AGBL1: variants seen among roughly 807,000 people sequenced by gnomAD.
AGBL1 encodes cytosolic carboxypeptidase 4.
In AGBL1, 130 loss-of-function variants were observed where a neutral mutation model predicts 118.9. That is an observed-to-expected ratio of 1.09 (90% CI 0.95 to 1.26). AGBL1 has a LOEUF of 1.26. Among genes scored for constraint, AGBL1 ranks in the 50% most tolerant of loss-of-function variants. The pLI, the probability that AGBL1 is intolerant of heterozygous loss-of-function variation, is 0.00. For missense variants in AGBL1, 1,584 were observed against 1,298.1 expected (o/e 1.22, Z -3.38); for synonymous variants, 555 against 478.9 (o/e 1.16, Z -2.08).
chr15:86,167,558 T>C (rs1349965970), intron 5 of AGBL1, among the ~76,000 whole-genome samples: 1 of 152,248 alleles, frequency 6.6e-6, no homozygotes, highest in Non-Finnish European at 1.5e-5. Flanking sequence ...GGAACTGATA[T>C]TTCTAATAGA....
At chr15:86,221,295 G>A (rs1039547276) in intron 5 of AGBL1, among the ~76,000 whole-genome samples, 3 of 152,184 alleles carry the variant, frequency 2.0e-5, no homozygotes, top group Admixed American at 2.0e-4. Context: ...TCCAGCAGAA[G>A]GCAGTCTTGC....
At chr15:86,553,450 C>A (rs1345759379) in intron 20 of AGBL1, among the ~76,000 whole-genome samples, 1 of 152,036 alleles carries the variant, frequency 6.6e-6, no homozygotes, top group Non-Finnish European at 1.5e-5. Context: ...CATATGAACC[C>A]AGAGAGGATG....
intron 18 of AGBL1, among the ~76,000 whole-genome samples, chr15:86,442,943 G>A (rs546884788): frequency 1.6e-4 from 24 of 152,342 alleles, no homozygotes; most frequent in Admixed American, 1.2e-3. Flanking sequence ...GCTCCTGCCC[G>A]CAAGGCAAGG....
chr15:86,454,661 A>C lies in AGBL1; in HGVS notation c.2555+57115A>C, dbSNP rs544207823. On this transcript the variant is annotated intron_variant, in intron 18 of 22. Coordinates refer to ENST00000614907, the MANE Select transcript of AGBL1 (RefSeq NM_001386094.1). ...CCAAACATAAAAAGAGTACACACTG[A>C]ATGATTCTATTTTATGAAATTCTTT... 1.5e-3 allele frequency among the ~76,000 whole-genome samples: 232 copies of C among 152,328 alleles called. 1 individual carries two copies. The highest frequency in any genetic ancestry group is 5.4e-3 in the African/African-American group (226 of 41,582).
chr15:86,880,505 T>G (rs1451402243), intron 22 of AGBL1, among the ~76,000 whole-genome samples: 1 of 152,124 alleles, frequency 6.6e-6, no homozygotes, highest in African/African-American at 2.4e-5. Context: ...GTCTCAATAG[T>G]AGTGAGAGGG....
At chr15:86,305,858 A>G (rs181360237) in intron 17 of AGBL1, among the ~76,000 whole-genome samples, 1 of 152,214 alleles carries the variant, frequency 6.6e-6, no homozygotes, top group Admixed American at 6.5e-5. Context: ...TTTCCCATTA[A>G]TCTGAGACTT....
In AGBL1 at chr15:86,142,008, C is replaced by G; in HGVS notation, c.56C>G (p.Ser19Cys). Residue 19 changes from serine (S) to cysteine (C), a missense_variant, in exon 2 of 23, where the codon TCC (serine) becomes TGC (cysteine). Transcript: ENST00000614907. ...CTGCCTGTGTTCTCATTGCAGAGCT[C>G]CTCTGACAAGGAGTCCATCCTGACC... ...LQVLLHTLQSSSDKESILTIL... is the reference protein window; with the variant it reads ...LQVLLHTLQSCSDKESILTIL... 1 of 1,549,946 alleles carries G rather than the reference C, an allele frequency of 6.5e-7. No individual in the cohort carries two copies. The highest frequency in any genetic ancestry group is 8.7e-7 in the Non-Finnish European group (1 of 1,146,688).
At chr15:86,776,926 A>G (rs905376901) in intron 22 of AGBL1, among the ~76,000 whole-genome samples, 1 of 152,060 alleles carries the variant, frequency 6.6e-6, no homozygotes, top group South Asian at 2.1e-4. Flanking sequence ...TTTCTTCATT[A>G]CGTATTATGT....
chr15:86,781,827 T>C (rs967089441), intron 22 of AGBL1, among the ~76,000 whole-genome samples: 1 of 152,128 alleles, frequency 6.6e-6, no homozygotes, highest in Non-Finnish European at 1.5e-5. Context: ...TTGTTAAAAG[T>C]TGACTATGAT....
intron 17 of AGBL1, among the ~76,000 whole-genome samples, chr15:86,338,967 C>T (rs1003394173): frequency 6.6e-6 from 1 of 152,008 alleles, no homozygotes; most frequent in African/African-American, 2.4e-5. Context: ...TACAAGTGTT[C>T]CTATTTTTCT....
At chr15:86,609,498 A>T (rs2084628503) in intron 21 of AGBL1, among the ~76,000 whole-genome samples, 1 of 152,150 alleles carries the variant, frequency 6.6e-6, no homozygotes, top group Non-Finnish European at 1.5e-5. Flanking sequence ...CCTGTGGGGT[A>T]GGGTATGTGT....
At chr15:86,140,804 G>C (rs1031390252) in intron 1 of AGBL1, among the ~76,000 whole-genome samples, 1 of 152,172 alleles carries the variant, frequency 6.6e-6, no homozygotes, top group Non-Finnish European at 1.5e-5. Flanking sequence ...GAAATGGCAT[G>C]GTTTGAGCAG....
chr15:86,682,617 G>T (rs764132951), intron 22 of AGBL1, among the ~76,000 whole-genome samples: 1 of 151,844 alleles, frequency 6.6e-6, no homozygotes, highest in African/African-American at 2.4e-5. Flanking sequence ...AAACATAACA[G>T]AAAAGAATAT....
chr15:86,397,644 C>T (rs886414243), intron 18 of AGBL1, 98 bp downstream of exon 18: 1 of 1,129,938 alleles, frequency 8.9e-7, no homozygotes, highest in African/African-American at 1.6e-5. Flanking sequence ...CCTCGGTACT[C>T]TGTCGAGAAT....
intron 23 of AGBL1, among the ~76,000 whole-genome samples, chr15:86,921,624 G>A (rs1211331049): frequency 6.6e-6 from 1 of 152,080 alleles, no homozygotes; most frequent in Non-Finnish European, 1.5e-5. Context: ...ATGAGGAGGA[G>A]GCCCCTAAGA....
chr15:86,468,166 T>C (rs917802757), intron 18 of AGBL1, among the ~76,000 whole-genome samples: 2 of 152,016 alleles, frequency 1.3e-5, no homozygotes, highest in Non-Finnish European at 1.5e-5. Flanking sequence ...ACTAAGGCCT[T>C]GAAGAAAAAT....
chr15:86,855,952 C>A (rs1296196160), intron 22 of AGBL1, among the ~76,000 whole-genome samples: 1 of 152,162 alleles, frequency 6.6e-6, no homozygotes, highest in Non-Finnish European at 1.5e-5. Flanking sequence ...TATAACTCAT[C>A]CCTAATGGCA....
chr15:86,362,697 C>G (rs576421523), intron 17 of AGBL1, among the ~76,000 whole-genome samples: 9 of 152,310 alleles, frequency 5.9e-5, no homozygotes, highest in Admixed American at 4.6e-4. Flanking sequence ...ATGTGAGTCA[C>G]TGGGTTCCCA....
intron 20 of AGBL1, among the ~76,000 whole-genome samples, chr15:86,554,035 A>AT (rs1427665007): frequency 2.0e-5 from 3 of 151,766 alleles, no homozygotes; most frequent in Non-Finnish European, 4.4e-5. Context: ...TAATTTTTGT[A>AT]TTTTTAGTAA....
Sources: allele counts gnomAD v4.1 joint callset (sites outside exome capture counted in the v4.1 genomes callset), GRCh38; gene constraint gnomAD v4.1.1; transcripts MANE v1.5; gene names NCBI Gene and HGNC (gene_info 2026-07-23, HGNC 2026-07-21).